CLYBL: variants seen among roughly 807,000 people sequenced by gnomAD.
CLYBL encodes the protein citramalyl-CoA lyase, also known as citramalyl-CoA lyase, mitochondrial.
A neutral mutation model predicts 38.9 loss-of-function variants in CLYBL; 31 were observed. The observed-to-expected ratio is 0.80, with a 90% CI of 0.60 to 1.08. The LOEUF (loss-of-function observed/expected upper bound fraction) is 1.08, where lower values mean the gene tolerates loss of function less well. Among genes scored for constraint, CLYBL ranks in the 50% least tolerant of loss-of-function variants. The probability of loss-of-function intolerance (pLI) is 0.00; values close to 1 mark genes in which losing one functional copy is unlikely to be tolerated. For synonymous variants in CLYBL, 171 were observed against 158.6 expected, an observed-to-expected ratio of 1.08 and a Z score of -0.59; for missense variants, 434 against 411.6, an observed-to-expected ratio of 1.05 and a Z score of -0.47.
intron 1 of CLYBL, among the ~76,000 whole-genome samples, chr13:99,664,848 C>A (rs1211682833): frequency 6.6e-6 from 1 of 152,050 alleles, no homozygotes; most frequent in Non-Finnish European, 1.5e-5. Flanking sequence ...TTTTTTAGTA[C>A]ACAATTAGGT....
chr13:99,704,839 A>C (rs2048121770), intron 1 of CLYBL, among the ~76,000 whole-genome samples: 1 of 152,202 alleles, frequency 6.6e-6, no homozygotes, highest in Non-Finnish European at 1.5e-5. Flanking sequence ...GGTCATCTTG[A>C]GCACGGATCC....
intron 2 of CLYBL, among the ~76,000 whole-genome samples, chr13:99,822,634 CAATGAGAT>C (rs2050610289): frequency 6.6e-6 from 1 of 152,160 alleles, no homozygotes; most frequent in Non-Finnish European, 1.5e-5. Context: ...TACATATTTT[CAATGAGAT>C]GAAAATTAAG....
rs4001024 is a variant in CLYBL at position 99,716,169 on chromosome 13, A to ATTTTTTTTTTTTTTTTTTT, written c.63-56635_63-56617dup. Among the ~76,000 whole-genome samples, 25 of 33,462 alleles carry ATTTTTTTTTTTTTTTTTTT rather than the reference A, an allele frequency of 7.5e-4. 10 individuals are homozygous for ATTTTTTTTTTTTTTTTTTT. Among genetic ancestry groups the ATTTTTTTTTTTTTTTTTTT allele is most frequent in the Non-Finnish European group, 1.1e-3 (18 of 16,382 alleles). The allele number at this position is 33,462 out of a possible 152,430, so 22.0% of individuals were successfully genotyped here. A position where few individuals can be genotyped will look rare whatever the true frequency, so the allele number is the denominator to read the frequency against. ...AAATTGTCCTTGCTTTATTGGTGTAATTTTTTTTTTTTTTTTTTTTTTTTT... is the reference window on the plus strand; with the variant it reads ...AAATTGTCCTTGCTTTATTGGTGTAATTTTTTTTTTTTTTTTTTTTTTTTTTTTTTTTTTTTTTTTTTTT... On this transcript the variant is annotated intron_variant, in intron 1 of 8. Coordinates refer to ENST00000339105, the MANE Select transcript of CLYBL (RefSeq NM_206808.5).
chr13:99,748,429 GTTTTTTTTT>G (rs1165919560), intron 1 of CLYBL, among the ~76,000 whole-genome samples: 38 of 87,682 alleles, frequency 4.3e-4, no homozygotes, highest in Admixed American at 1.4e-3. Context: ...CTAGTTTTGT[GTTTTTTTTT>G]TTTTTTTTTT....
intron 2 of CLYBL, among the ~76,000 whole-genome samples, chr13:99,824,717 AG>A (rs1455393871): frequency 6.6e-6 from 1 of 152,084 alleles, no homozygotes; most frequent in Non-Finnish European, 1.5e-5. Flanking sequence ...CTTGCCTCCT[AG>A]CTGTTTTGTC....
At chr13:99,823,187 G>A (rs1248738537) in intron 2 of CLYBL, among the ~76,000 whole-genome samples, 9 of 152,002 alleles carry the variant, frequency 5.9e-5, no homozygotes, top group Non-Finnish European at 1.0e-4. Context: ...TTTACATTAC[G>A]ATTCTTTGTG....
intron 1 of CLYBL, among the ~76,000 whole-genome samples, chr13:99,729,457 G>T (rs926639448): frequency 6.6e-6 from 1 of 152,154 alleles, no homozygotes; most frequent in African/African-American, 2.4e-5. Flanking sequence ...CTGAGGCATG[G>T]TTTCATCTGG....
chr13:99,812,971 G>A (rs1177903406), intron 2 of CLYBL, among the ~76,000 whole-genome samples: 2 of 152,168 alleles, frequency 1.3e-5, no homozygotes, highest in Admixed American at 1.3e-4. Context: ...TTCTATGCGC[G>A]TGGCTGATTT....
At chr13:99,847,448 CAT>C (rs1183303388) in intron 2 of CLYBL, among the ~76,000 whole-genome samples, 1 of 152,182 alleles carries the variant, frequency 6.6e-6, no homozygotes, top group Non-Finnish European at 1.5e-5. Context: ...AGTGGGGAAA[CAT>C]AAATATAGCG....
chr13:99,665,186 C>T (rs986256799), intron 1 of CLYBL, among the ~76,000 whole-genome samples: 3 of 151,512 alleles, frequency 2.0e-5, no homozygotes, highest in Admixed American at 6.6e-5. Context: ...AATTCACTGC[C>T]GACATTCAGA....
intron 3 of CLYBL, among the ~76,000 whole-genome samples, chr13:99,861,609 G>T (rs896902763): frequency 2.6e-5 from 4 of 152,100 alleles, no homozygotes; most frequent in African/African-American, 9.7e-5. Flanking sequence ...TTTTGGTTGA[G>T]TTATTCCTTC....
rs371881617 is a variant in CLYBL at position 99,778,118 on chromosome 13, G to A, written c.249+5108G>A. 4.6e-5 allele frequency among the ~76,000 whole-genome samples: 7 copies of A among 152,292 alleles called. No homozygotes were observed. In the East Asian group the frequency reaches 9.6e-4, roughly 21 times the overall value. Reference sequence around the variant, plus strand: ...GTTCCCATCTGCAGACTCTTTCAGTGTTCTGGGACTGGGATTATCATCCAT... The same window carrying A: ...GTTCCCATCTGCAGACTCTTTCAGTATTCTGGGACTGGGATTATCATCCAT... On this transcript the variant is annotated intron_variant, in intron 2 of 8. Coordinates refer to ENST00000339105, the MANE Select transcript of CLYBL (RefSeq NM_206808.5).
At chr13:99,790,358 G>A (rs1050072267) in intron 2 of CLYBL, among the ~76,000 whole-genome samples, 1 of 152,132 alleles carries the variant, frequency 6.6e-6, no homozygotes, top group Non-Finnish European at 1.5e-5. Context: ...TCCATGTTTA[G>A]TGCTTCCTTC....
chr13:99,787,891 G>A (rs1406178771), intron 2 of CLYBL, among the ~76,000 whole-genome samples: 1 of 152,108 alleles, frequency 6.6e-6, no homozygotes. Context: ...GTGCTTTGTA[G>A]TTCTCCTTAA....
chr13:99,774,684 T>C (rs1041503293), intron 2 of CLYBL, among the ~76,000 whole-genome samples: 1 of 152,216 alleles, frequency 6.6e-6, no homozygotes, highest in Non-Finnish European at 1.5e-5. Flanking sequence ...TAATTTCCAG[T>C]ATCTTCCTAA....
intron 2 of CLYBL, among the ~76,000 whole-genome samples, chr13:99,793,591 A>G (rs1489462949): frequency 1.3e-5 from 2 of 152,182 alleles, no homozygotes; most frequent in Non-Finnish European, 2.9e-5. Context: ...ATAAATAAAA[A>G]ACAACAAAAA....
At position 99,656,724 on chromosome 13, in the gene CLYBL, T is replaced by A. The variant is rs192307177; in HGVS notation, c.62+49967T>A. 7.2e-5 allele frequency among the ~76,000 whole-genome samples: 11 copies of A among 152,360 alleles called. No individual in the cohort carries two copies. In the South Asian group the frequency reaches 1.0e-3, roughly 14 times the overall value. On this transcript the variant is annotated intron_variant, in intron 1 of 8. Transcript: ENST00000339105. ...AGGATTAATAGGTAACAAATTTTTT[T>A]AAAATTTCCATTCAAAATTATGGGT...
intron 7 of CLYBL, among the ~76,000 whole-genome samples, 156 bp from the exon 8 acceptor site, chr13:99,891,162 T>C (rs1333098096): frequency 6.6e-6 from 1 of 152,166 alleles, no homozygotes; most frequent in Non-Finnish European, 1.5e-5. Context: ...AAGAAGTGTT[T>C]CCTCTGTAAT....
chr13:99,785,898 A>G (rs1429391286), intron 2 of CLYBL, among the ~76,000 whole-genome samples: 1 of 152,006 alleles, frequency 6.6e-6, no homozygotes, highest in African/African-American at 2.4e-5. Flanking sequence ...GCTTGGCAAT[A>G]ATACATTTCT....
Sources: gnomAD v4.1 joint callset for allele counts (sites outside exome capture counted in the v4.1 genomes callset) on GRCh38, gnomAD v4.1.1 for gene constraint, MANE v1.5 for transcripts, NCBI Gene and HGNC (gene_info 2026-07-23, HGNC 2026-07-21) for gene names.